Variants in TANC2 observed in about 807,000 individuals in gnomAD.
The protein encoded by TANC2 is tetratricopeptide repeat, ankyrin repeat and coiled-coil containing 2.
Under a neutral mutation model 210.5 loss-of-function variants are expected in TANC2, and 26 were observed. That is an observed-to-expected ratio of 0.12 (90% CI 0.09 to 0.17). The LOEUF (loss-of-function observed/expected upper bound fraction) is 0.17. Ranked by LOEUF, TANC2 falls within the 10% of genes least tolerant of loss-of-function variation. The pLI is 1.00. For synonymous variants in TANC2, 931 were observed against 967.1 expected (o/e 0.96, Z 0.69); for missense variants, 2,129 against 2,608.9 (o/e 0.82, Z 4.01).
intron 14 of TANC2, among the ~76,000 whole-genome samples, chr17:63,369,880 G>A (rs913402605): frequency 6.6e-6 from 1 of 152,030 alleles, no homozygotes; most frequent in Non-Finnish European, 1.5e-5. Flanking sequence ...TGGGATTACA[G>A]GTGTGAGCCA....
At chr17:63,019,211 G>GTTAT (rs200685696) in intron 2 of TANC2, among the ~76,000 whole-genome samples, 112 of 151,902 alleles carry the variant, frequency 7.4e-4, no homozygotes, top group African/African-American at 2.5e-3. Flanking sequence ...TATTTTTAAT[G>GTTAT]TTATTTATTT....
chr17:63,064,302 CAA>C (rs1029438327), intron 2 of TANC2, among the ~76,000 whole-genome samples: 1 of 151,446 alleles, frequency 6.6e-6, no homozygotes, highest in African/African-American at 2.4e-5. Context: ...ACAAAAATTA[CAA>C]AAAAAAGTTA....
intron 1 of TANC2, among the ~76,000 whole-genome samples, chr17:62,976,019 T>C (rs1187555876): frequency 1.3e-5 from 2 of 152,204 alleles, no homozygotes; most frequent in Admixed American, 6.5e-5. Flanking sequence ...CATGGTAGTT[T>C]GGATACTGAT....
intron 2 of TANC2, among the ~76,000 whole-genome samples, chr17:63,032,612 A>G (rs193010263): frequency 6.6e-6 from 1 of 152,126 alleles, no homozygotes; most frequent in East Asian, 1.9e-4. Flanking sequence ...CAAATGAAGG[A>G]AGAGCCTTAG....
Position 63,395,730 on chromosome 17 carries a change from C to G in TANC2, c.3052-13C>G. The G allele has an allele frequency of 1.2e-6, 2 of 1,611,994 alleles. No homozygotes were observed. The highest frequency in any genetic ancestry group is 2.7e-5 in the African/African-American group (2 of 75,014). Reference sequence around the variant, plus strand: ...GTCTGTGTTCACACATATCTCCTGTCCTCTCCTCTTAGGTGGATCATTTGG... The same window carrying G: ...GTCTGTGTTCACACATATCTCCTGTGCTCTCCTCTTAGGTGGATCATTTGG... On this transcript the variant is annotated splice_polypyrimidine_tract_variant and intron_variant, in intron 17 of 27. Transcript: ENST00000689528.
chr17:63,421,250 T>C lies in TANC2; in HGVS notation c.5520T>C (p.Ser1840=), dbSNP rs778465004. The C allele has an allele frequency of 2.5e-6, 4 of 1,614,008 alleles. No individual in the cohort carries two copies. Among genetic ancestry groups the C allele is most frequent in the East Asian group, 2.2e-5 (1 of 44,878 alleles). The change falls in exon 28 of 28, where the codon AGT becomes AGC. Residue 1840 remains serine (S), a synonymous_variant. Transcript: ENST00000689528. The surrounding 1 kb of genome is among the most constrained non-coding windows in gnomAD (Gnocchi z 6.9). ...CGCATTTAATCAGAAGACCTATCAG[T>C]GTCAACCCTAACGAAATCAAACCGC...
intron 4 of TANC2, among the ~76,000 whole-genome samples, chr17:63,113,063 T>A (rs1390904587): frequency 6.6e-6 from 1 of 152,178 alleles, no homozygotes; most frequent in Non-Finnish European, 1.5e-5. Flanking sequence ...ATTTAAGGGC[T>A]AAACAATTTT....
At chr17:63,185,007 G>A (rs1400520901) in intron 5 of TANC2, among the ~76,000 whole-genome samples, 2 of 150,592 alleles carry the variant, frequency 1.3e-5, no homozygotes, top group African/African-American at 4.9e-5. Flanking sequence ...GTTGGGGACA[G>A]AGTGTGAGAC....
Position 63,030,375 on chromosome 17 carries a change from C to T in TANC2, c.67+20749C>T, listed in dbSNP as rs186260126. On this transcript the variant is annotated intron_variant, in intron 2 of 27. Transcript: ENST00000689528. ...GTAAATTAATTCTGAAGCTCAACAG[C>T]ATCACCAAAGACTCAATTTCTTTCT... Among the ~76,000 whole-genome samples, 332 of 152,224 alleles carry T rather than the reference C, an allele frequency of 2.2e-3. 1 individual carries two copies. The highest frequency in any genetic ancestry group is 2.2e-3 in the Non-Finnish European group (151 of 67,998).
chr17:63,411,831 C>T (rs2048712259), intron 22 of TANC2, 145 bp downstream of exon 22: 1 of 1,400,070 alleles, frequency 7.1e-7, no homozygotes, highest in Admixed American at 2.5e-5. Flanking sequence ...CAAGAATATT[C>T]AAAATGCTGT....
chr17:63,115,943 T>C (rs890922053), intron 4 of TANC2, among the ~76,000 whole-genome samples: 5 of 152,202 alleles, frequency 3.3e-5, no homozygotes, highest in African/African-American at 7.2e-5. Flanking sequence ...ATTGCAATTC[T>C]TTTTAGTCAC....
chr17:63,041,799 G>C (rs937986327), intron 2 of TANC2, among the ~76,000 whole-genome samples: 1 of 152,166 alleles, frequency 6.6e-6, no homozygotes, highest in East Asian at 1.9e-4. Context: ...AGATGGATGA[G>C]ATGGAAAAGA....
At chr17:63,059,944 G>T (rs1333754847) in intron 2 of TANC2, among the ~76,000 whole-genome samples, 1 of 152,120 alleles carries the variant, frequency 6.6e-6, no homozygotes, top group Admixed American at 6.5e-5. Context: ...ACTGCTACTG[G>T]ATCAGTCTGT....
chr17:63,285,434 C>T (rs982133212), intron 9 of TANC2, among the ~76,000 whole-genome samples: 1 of 151,770 alleles, frequency 6.6e-6, no homozygotes, highest in African/African-American at 2.4e-5. Flanking sequence ...TACAGTGTAC[C>T]CTTAAGTGAT....
Position 63,410,342 on chromosome 17 carries a change from C to T in TANC2, c.3590-1169C>T, listed in dbSNP as rs1050211558. On this transcript the variant is annotated intron_variant, in intron 21 of 27. Transcript: ENST00000689528. ...TTTGACCAACATCTCTCCAATCCCC[C>T]CCCCCCATCTCCTAGTTTCTGGTAA... Among the ~76,000 whole-genome samples, 7 of 138,590 alleles carry T rather than the reference C, an allele frequency of 5.1e-5. No homozygotes were observed. The East Asian group carries it at 6.8e-4, about 13-fold the overall frequency. 90.9% of individuals were successfully genotyped at this position (138,590 alleles called of 152,430 possible).
chr17:63,153,245 G>A (rs8076658), intron 5 of TANC2: 18 of 152,182 alleles, frequency 1.2e-4, no homozygotes, highest in African/African-American at 4.3e-4. Context: ...GTATTATAAA[G>A]TGAAATAATA....
intron 19 of TANC2, among the ~76,000 whole-genome samples, chr17:63,404,292 C>T (rs1476890344): frequency 1.3e-5 from 2 of 152,156 alleles, no homozygotes; most frequent in African/African-American, 4.8e-5. Flanking sequence ...TATCTCCAAA[C>T]TCCTCTTTCT....
At chr17:63,308,485 G>C (rs2045001821) in intron 9 of TANC2, among the ~76,000 whole-genome samples, 3 of 152,118 alleles carry the variant, frequency 2.0e-5, no homozygotes, top group African/African-American at 7.2e-5. Flanking sequence ...ATCACTGCCT[G>C]TCACTCAAAG....
At chr17:63,114,427 T>C (rs567217826) in intron 4 of TANC2, among the ~76,000 whole-genome samples, 1 of 152,326 alleles carries the variant, frequency 6.6e-6, no homozygotes, top group South Asian at 2.1e-4. Flanking sequence ...GGCTGATGTA[T>C]AGGGATCACA....
Sources: allele counts gnomAD v4.1 joint callset (sites outside exome capture counted in the v4.1 genomes callset), GRCh38; gene constraint gnomAD v4.1.1; non-coding constraint Gnocchi (gnomAD v3.1); transcripts MANE v1.5; gene names NCBI Gene and HGNC (gene_info 2026-07-23, HGNC 2026-07-21).